SCHIP1: variants seen among roughly 807,000 people sequenced by gnomAD.
SCHIP1 encodes schwannomin-interacting protein 1.
Under a neutral mutation model 29.7 loss-of-function variants are expected in SCHIP1, and 8 were observed. The ratio of observed to expected loss-of-function variants is 0.27; its 90% confidence interval spans 0.16 to 0.49. The LOEUF (loss-of-function observed/expected upper bound fraction) is 0.49. SCHIP1 is among the 20% of genes least tolerant of loss of function. The probability of loss-of-function intolerance (pLI) is 0.99; values close to 1 mark genes in which losing one functional copy is unlikely to be tolerated. For synonymous variants in SCHIP1, 76 were observed against 94.9 expected (o/e 0.80, Z 1.16); for missense variants, 193 against 294.6 (o/e 0.66, Z 2.52).
the SCHIP1 span, among the ~76,000 whole-genome samples, chr3:159,708,694 TGTGAGATG>T: frequency 6.6e-6 from 1 of 152,078 alleles, no homozygotes; most frequent in African/African-American, 2.4e-5. Flanking sequence ...AGGAAACCAA[TGTGAGATG>T]GTGACGTACG....
intron 2 of SCHIP1, among the ~76,000 whole-genome samples, chr3:159,869,402 A>C (rs768423904): frequency 4.4e-4 from 67 of 152,054 alleles, no homozygotes; most frequent in Non-Finnish European, 2.7e-4. Flanking sequence ...ATCAGTCAAA[A>C]GTTGATTTCT....
the SCHIP1 span, among the ~76,000 whole-genome samples, chr3:159,673,019 TAAG>T: frequency 6.6e-6 from 1 of 152,104 alleles, no homozygotes; most frequent in Non-Finnish European, 1.5e-5. Context: ...GTTATCCAAA[TAAG>T]AAAAAAAGTA....
At chr3:159,490,658 G>A in the SCHIP1 span, among the ~76,000 whole-genome samples, 1 of 152,194 alleles carries the variant, frequency 6.6e-6, no homozygotes, top group Admixed American at 6.5e-5. Context: ...TTCCTATTAA[G>A]GTGTACCAAA....
the SCHIP1 span, chr3:159,764,482 G>GGCAGCAGCAGCAGCA: frequency 6.3e-7 from 1 of 1,589,148 alleles, no homozygotes. The surrounding 1 kb of genome is among the most constrained non-coding windows in gnomAD (Gnocchi z 6.1). Context: ...CAGTGACGCC[G>GGCAGCAGCAGCAGCA]GCAGCAGCAG....
chr3:159,452,333 A>T, the SCHIP1 span, among the ~76,000 whole-genome samples: 3 of 151,854 alleles, frequency 2.0e-5, no homozygotes. Context: ...CCAGTGTGTG[A>T]TGTTCCCCTC....
At chr3:159,351,711 T>C in the SCHIP1 span, among the ~76,000 whole-genome samples, 18 of 152,182 alleles carry the variant, frequency 1.2e-4, no homozygotes, top group Admixed American at 7.9e-4. Flanking sequence ...ATTGGGTTAG[T>C]CCTAGTTTAT....
At chr3:159,734,676 G>A in the SCHIP1 span, among the ~76,000 whole-genome samples, 2 of 151,692 alleles carry the variant, frequency 1.3e-5, no homozygotes, top group Admixed American at 6.6e-5. Context: ...TACTCAGCCA[G>A]TCTAAACTTT....
At chr3:159,573,499 C>T in the SCHIP1 span, among the ~76,000 whole-genome samples, 1 of 152,162 alleles carries the variant, frequency 6.6e-6, no homozygotes. Flanking sequence ...GATGGGCTTC[C>T]TTTTGTGGGT....
chr3:159,710,205 T>C, the SCHIP1 span, among the ~76,000 whole-genome samples: 1 of 152,168 alleles, frequency 6.6e-6, no homozygotes, highest in Non-Finnish European at 1.5e-5. Flanking sequence ...CATCCACAGA[T>C]GAATTGCTTT....
chr3:159,550,114 A>G, the SCHIP1 span, among the ~76,000 whole-genome samples: 1 of 151,756 alleles, frequency 6.6e-6, no homozygotes, highest in East Asian at 1.9e-4. Context: ...AAGAAAATTA[A>G]TTATCTTAAT....
chr3:159,326,760 A>G, the SCHIP1 span, among the ~76,000 whole-genome samples: 1 of 152,264 alleles, frequency 6.6e-6, no homozygotes, highest in Non-Finnish European at 1.5e-5. Context: ...ATGTGCCCCA[A>G]ACTAATATTT....
chr3:159,833,132 A>G, the SCHIP1 span, among the ~76,000 whole-genome samples: 3 of 152,214 alleles, frequency 2.0e-5, no homozygotes, highest in Non-Finnish European at 4.4e-5. Flanking sequence ...TATTTCTGCT[A>G]TAACAAAGTC....
chr3:159,552,417 T>C, the SCHIP1 span, among the ~76,000 whole-genome samples: 2 of 152,240 alleles, frequency 1.3e-5, no homozygotes, highest in South Asian at 4.1e-4. Context: ...ACCTTCAGTT[T>C]CTTAATTACT....
chr3:159,738,777 A>C, the SCHIP1 span, among the ~76,000 whole-genome samples: 4 of 152,212 alleles, frequency 2.6e-5, no homozygotes, highest in East Asian at 1.9e-4. Flanking sequence ...GTTCAGTGAG[A>C]GAGAGAAACT....
the SCHIP1 span, among the ~76,000 whole-genome samples, chr3:159,415,606 G>C: frequency 6.6e-6 from 1 of 152,052 alleles, no homozygotes; most frequent in African/African-American, 2.4e-5. Context: ...CTCCATCCAT[G>C]TTCCCACAAA....
the SCHIP1 span, among the ~76,000 whole-genome samples, chr3:159,277,251 A>T: frequency 6.6e-6 from 1 of 152,210 alleles, no homozygotes. Context: ...AAGCATGTAC[A>T]TTGATTACCC....
chr3:159,786,818 A>C, the SCHIP1 span, among the ~76,000 whole-genome samples: 1 of 151,998 alleles, frequency 6.6e-6, no homozygotes, highest in Non-Finnish European at 1.5e-5. Flanking sequence ...AGCACGTAGA[A>C]TCCTTCCCTG....
the SCHIP1 span, among the ~76,000 whole-genome samples, chr3:159,640,247 A>G: frequency 1.3e-5 from 2 of 152,178 alleles, no homozygotes; most frequent in Non-Finnish European, 2.9e-5. Flanking sequence ...CGGAACATTG[A>G]TTCCCAGGGT....
the SCHIP1 span, among the ~76,000 whole-genome samples, chr3:159,583,352 GT>G: frequency 6.6e-6 from 1 of 152,086 alleles, no homozygotes; most frequent in Non-Finnish European, 1.5e-5. Context: ...CCACAAAGCA[GT>G]CCAATTTATT....
Sources: gnomAD v4.1 joint callset for allele counts (sites outside exome capture counted in the v4.1 genomes callset) on GRCh38, gnomAD v4.1.1 for gene constraint, Gnocchi (gnomAD v3.1) non-coding constraint, MANE v1.5 for transcripts, NCBI Gene and HGNC (gene_info 2026-07-23, HGNC 2026-07-21) for gene names.